The following FUT9 variants were observed in gnomAD, a reference collection of about 807,000 sequenced individuals.
FUT9 encodes the protein 4-galactosyl-N-acetylglucosaminide 3-alpha-L-fucosyltransferase 9.
Under a neutral mutation model 29.7 loss-of-function variants are expected in FUT9, and 15 were observed. The ratio of observed to expected loss-of-function variants is 0.51; its 90% CI spans 0.34 to 0.78. The LOEUF is 0.78. Ranked by LOEUF, FUT9 falls within the 30% of genes least tolerant of loss-of-function variation. The pLI, the probability that FUT9 is intolerant of heterozygous loss-of-function variation, is 0.01. For missense variants in FUT9, 319 were observed against 425.4 expected (o/e 0.75, Z 2.20); for synonymous variants, 169 against 153.7 (o/e 1.10, Z -0.74).
intron 1 of FUT9, among the ~76,000 whole-genome samples, chr6:96,059,782 T>C (rs1210725122): frequency 2.0e-5 from 3 of 152,200 alleles, no homozygotes; most frequent in Non-Finnish European, 4.4e-5. Context: ...CCTTTTTCTT[T>C]GCAAAGTGTG....
intron 2 of FUT9, among the ~76,000 whole-genome samples, chr6:96,167,217 AAT>A (rs1773030382): frequency 6.6e-6 from 1 of 152,192 alleles, no homozygotes. Context: ...TGTGATCCTT[AAT>A]CCCTAATAAG....
intron 1 of FUT9, among the ~76,000 whole-genome samples, chr6:96,094,972 T>A (rs1464315668): frequency 1.3e-5 from 2 of 152,072 alleles, no homozygotes; most frequent in African/African-American, 4.8e-5. Flanking sequence ...GTACCCAAAG[T>A]GTAGCACAAT....
At chr6:96,085,112 A>C (rs767104564) in intron 1 of FUT9, among the ~76,000 whole-genome samples, 5 of 152,192 alleles carry the variant, frequency 3.3e-5, no homozygotes, top group Non-Finnish European at 7.3e-5. Context: ...ACAGTACAGC[A>C]AAAGAAAAAG....
At chr6:96,030,210 A>G (rs1423554629) in intron 1 of FUT9, among the ~76,000 whole-genome samples, 1 of 151,630 alleles carries the variant, frequency 6.6e-6, no homozygotes, top group Non-Finnish European at 1.5e-5. Context: ...TACAAAATAC[A>G]CATCATAAAG....
At chr6:96,107,439 T>C (rs191210060) in intron 1 of FUT9, among the ~76,000 whole-genome samples, 3 of 152,300 alleles carry the variant, frequency 2.0e-5, no homozygotes, top group East Asian at 3.9e-4. Context: ...TTGAATAAAA[T>C]AGATGCTTTA....
intron 1 of FUT9, among the ~76,000 whole-genome samples, chr6:96,030,582 T>G: frequency 6.6e-6 from 1 of 151,410 alleles, no homozygotes; most frequent in South Asian, 2.1e-4. Context: ...CCTTATAAAG[T>G]TAAAAATACA....
At chr6:96,161,626 T>C (rs1772904025) in intron 2 of FUT9, among the ~76,000 whole-genome samples, 1 of 152,192 alleles carries the variant, frequency 6.6e-6, no homozygotes, top group Non-Finnish European at 1.5e-5. Flanking sequence ...TGTGAATATC[T>C]ACAGACCACA....
intron 2 of FUT9, among the ~76,000 whole-genome samples, chr6:96,118,958 T>C (rs914091030): frequency 6.6e-6 from 1 of 152,218 alleles, no homozygotes; most frequent in African/African-American, 2.4e-5. Context: ...TGTACAGCTA[T>C]ACAATGTGTT....
intron 2 of FUT9, among the ~76,000 whole-genome samples, chr6:96,115,208 A>C (rs571611149): frequency 6.6e-6 from 1 of 152,328 alleles, no homozygotes; most frequent in East Asian, 1.9e-4. Flanking sequence ...TCTCATGGCC[A>C]CATTTTTTAA....
intron 1 of FUT9, among the ~76,000 whole-genome samples, chr6:96,108,675 AATGACATT>A (rs1213841731): frequency 1.3e-5 from 2 of 152,160 alleles, no homozygotes; most frequent in Non-Finnish European, 2.9e-5. Context: ...TTAGTCCTAA[AATGACATT>A]ATCCTTGTTA....
intron 2 of FUT9, among the ~76,000 whole-genome samples, chr6:96,161,602 T>A (rs954857105): frequency 6.6e-6 from 1 of 152,226 alleles, no homozygotes; most frequent in South Asian, 2.1e-4. Flanking sequence ...TAGAGGTGAC[T>A]GCCTGAATGT....
chr6:96,073,613 A>G (rs1771098897), intron 1 of FUT9, among the ~76,000 whole-genome samples: 1 of 152,222 alleles, frequency 6.6e-6, no homozygotes, highest in African/African-American at 2.4e-5. Flanking sequence ...TGGATTGAAC[A>G]TTATCAGTAT....
chr6:96,131,460 G>A (rs1251268057), intron 2 of FUT9, among the ~76,000 whole-genome samples: 3 of 151,810 alleles, frequency 2.0e-5, no homozygotes, highest in Admixed American at 6.6e-5. Context: ...ACATACACAC[G>A]AACACACACA....
chr6:96,168,658 A>G (rs1319679001), intron 2 of FUT9, among the ~76,000 whole-genome samples: 9 of 152,238 alleles, frequency 5.9e-5, no homozygotes, highest in Admixed American at 3.9e-4. Context: ...GAAAAAGTGA[A>G]GAAAGTGAAC....
At chr6:96,072,724 G>A (rs1310415933) in intron 1 of FUT9, among the ~76,000 whole-genome samples, 1 of 152,158 alleles carries the variant, frequency 6.6e-6, no homozygotes, top group African/African-American at 2.4e-5. Context: ...ATTAGTGAAA[G>A]AAGATTTTTT....
At chr6:96,096,019 A>C (rs1771488803) in intron 1 of FUT9, among the ~76,000 whole-genome samples, 1 of 152,122 alleles carries the variant, frequency 6.6e-6, no homozygotes, top group South Asian at 2.1e-4. Context: ...CATAAAACCT[A>C]TCTAGCTGGG....
intron 2 of FUT9, among the ~76,000 whole-genome samples, chr6:96,201,428 A>G (rs929779716): frequency 6.6e-6 from 1 of 151,826 alleles, no homozygotes; most frequent in Non-Finnish European, 1.5e-5. Context: ...AAATATTGTG[A>G]CATTATTACT....
intron 1 of FUT9, among the ~76,000 whole-genome samples, chr6:96,061,797 A>G (rs908920739): frequency 5.9e-5 from 9 of 152,174 alleles, no homozygotes; most frequent in South Asian, 2.1e-4. Flanking sequence ...CCCAATCACA[A>G]TAATCATCAG....
chr6:96,160,808 T>C (rs1331692502), intron 2 of FUT9, among the ~76,000 whole-genome samples: 1 of 152,178 alleles, frequency 6.6e-6, no homozygotes, highest in Non-Finnish European at 1.5e-5. Flanking sequence ...AGCAAAATTA[T>C]CACATTTGGA....
Sources: gnomAD v4.1 joint callset for allele counts (sites outside exome capture counted in the v4.1 genomes callset) on GRCh38, gnomAD v4.1.1 for gene constraint, MANE v1.5 for transcripts, NCBI Gene and HGNC (gene_info 2026-07-23, HGNC 2026-07-21) for gene names.